The following ASH1L variants were observed in gnomAD, a reference collection of about 807,000 sequenced individuals.
ASH1L encodes histone-lysine N-methyltransferase ASH1L.
A neutral mutation model predicts 269.0 loss-of-function variants in ASH1L; 23 were observed. The ratio of observed to expected loss-of-function variants is 0.09; its 90% CI spans 0.06 to 0.12. The LOEUF (loss-of-function observed/expected upper bound fraction) is 0.12. ASH1L is among the 10% of genes least tolerant of loss of function. ASH1L has a pLI of 1.00. For synonymous variants in ASH1L, 1,187 were observed against 1,253.5 expected (o/e 0.95, Z 1.12); for missense variants, 2,912 against 3,567.8 (o/e 0.82, Z 4.68).
At chr1:155,399,369 TATGTAATCCAAGC>T (rs146203913) in intron 6 of ASH1L, among the ~76,000 whole-genome samples, 5,602 of 152,198 alleles carry the variant, frequency 0.037, 167 homozygotes, top group South Asian at 0.068. Flanking sequence ...GTGGCTCACA[TATGTAATCCAAGC>T]ATGTAATCCA....
chr1:155,433,455 C>G, intron 5 of ASH1L: 1 of 1,610,424 alleles, frequency 6.2e-7, no homozygotes, highest in Admixed American at 1.7e-5. Flanking sequence ...GGCTTGGAGA[C>G]CTCTCAGCCT....
In ASH1L at chr1:155,438,874, T is replaced by C; in HGVS notation, c.5281A>G (p.Lys1761Glu). 1.6e-5 allele frequency: 26 copies of C among 1,614,210 alleles called. No individual in the cohort carries two copies. Among genetic ancestry groups the C allele is most frequent in the Non-Finnish European group, 2.2e-5 (26 of 1,180,046 alleles). ...GCAGGCACTAAAAGGCTGTCTGGTT[T>C]TCCCAGGGTTCGGTCCTTGCTGTGG... The part of the protein sequence containing the change: ...RSHSKDRTLG[K>E]PDSLLVPAVT... Residue 1761 changes from lysine to glutamate, a missense_variant, in exon 5 of 28, where the codon AAA becomes GAA. Lys to Glu is a moderately conservative substitution (Grantham distance 56, BLOSUM62 1). Coordinates refer to ENST00000392403, the MANE Select transcript of ASH1L (RefSeq NM_018489.3).
intron 4 of ASH1L, among the ~76,000 whole-genome samples, chr1:155,445,339 A>G (rs1474895129): frequency 1.3e-5 from 2 of 152,000 alleles, no homozygotes; most frequent in African/African-American, 4.8e-5. Context: ...ACCCACCACC[A>G]TGCCCAGCTA....
chr1:155,529,351 C>CTTT (rs35984917), intron 1 of ASH1L, among the ~76,000 whole-genome samples: 3 of 134,024 alleles, frequency 2.2e-5, no homozygotes, highest in Non-Finnish European at 3.2e-5. Flanking sequence ...TTGCCAGCAT[C>CTTT]TTTTTTTTTT....
chr1:155,415,549 T>G (rs1473834357), intron 6 of ASH1L, among the ~76,000 whole-genome samples, 195 bp downstream of exon 6: 2 of 152,134 alleles, frequency 1.3e-5, no homozygotes, highest in African/African-American at 4.8e-5. Flanking sequence ...TTGTACTGAT[T>G]TCCCCCCACA....
chr1:155,492,417 C>T (rs1187347672), intron 2 of ASH1L, among the ~76,000 whole-genome samples: 1 of 152,112 alleles, frequency 6.6e-6, no homozygotes, highest in Non-Finnish European at 1.5e-5. Context: ...AATTATTTTT[C>T]GGTTTCTTTT....
intron 2 of ASH1L, among the ~76,000 whole-genome samples, chr1:155,512,862 C>T (rs1415153285): frequency 6.6e-6 from 1 of 151,608 alleles, no homozygotes; most frequent in Non-Finnish European, 1.5e-5. Context: ...GATTTCAAGA[C>T]CAGCCTGGGC....
At position 155,343,919 on chromosome 1, in the gene ASH1L, T is replaced by C. The variant is rs1200304710; in HGVS notation, c.7982-177A>G. On this transcript the variant is annotated intron_variant, in intron 22 of 27. Transcript: ENST00000392403. The surrounding 1 kb of genome is among the most constrained non-coding windows in gnomAD (Gnocchi z 6.1). ...AATCAATTCTAGACTATGACAATAA[T>C]ATAAGGGAGGCATTCCATTTCTTGA... 6.6e-6 allele frequency among the ~76,000 whole-genome samples: 1 copy of C among 152,214 alleles called. No homozygotes were observed. The highest frequency in any genetic ancestry group is 1.5e-5 in the Non-Finnish European group (1 of 68,022).
At chr1:155,551,092 AT>A (rs1201417731) in intron 1 of ASH1L, among the ~76,000 whole-genome samples, 2 of 152,002 alleles carry the variant, frequency 1.3e-5, no homozygotes, top group African/African-American at 2.4e-5. Context: ...AAGTCCTGGG[AT>A]TACAGGGGAG....
chr1:155,423,942 G>A (rs544118528), intron 5 of ASH1L, among the ~76,000 whole-genome samples: 1 of 152,218 alleles, frequency 6.6e-6, no homozygotes, highest in African/African-American at 2.4e-5. Flanking sequence ...GGCCAGGCTG[G>A]TCTCGAACTC....
chr1:155,527,203 G>A lies in ASH1L; in HGVS notation c.-99-5585C>T, dbSNP rs541111809. On this transcript the variant is annotated intron_variant, in intron 1 of 27. Transcript: ENST00000392403. ...AGCCTAGGTGACAGAGCGAGACTCC[G>A]TCTCAAAAAAAAAGAAAAAAAAAAA... Among the ~76,000 whole-genome samples, 929 of 151,034 alleles carry A rather than the reference G, an allele frequency of 6.2e-3. 6 individuals carry two copies. Among genetic ancestry groups the A allele is most frequent in the Middle Eastern group, 0.021 (6 of 292 alleles).
At chr1:155,563,009 G>A (rs1342324544), upstream of ASH1L, 1 of 458,164 alleles carries the variant, frequency 2.2e-6, no homozygotes, top group East Asian at 7.0e-5. Flanking sequence ...CGGGCCGAGC[G>A]GGTCGGGGCT....
At position 155,439,072 on chromosome 1, in the gene ASH1L, A is replaced by G; in HGVS notation, c.5087-4T>C. 6.3e-7 allele frequency: 1 copy of G among 1,592,086 alleles called. No homozygotes were observed. Among genetic ancestry groups the G allele is most frequent in the South Asian group, 1.1e-5 (1 of 87,652 alleles). On this transcript the variant is annotated splice_polypyrimidine_tract_variant and splice_region_variant and intron_variant, in intron 4 of 27. Coordinates refer to ENST00000392403, the MANE Select transcript of ASH1L (RefSeq NM_018489.3). ...CTTCGAGAGGGAACTCCGTTTACTG[A>G]AAGAGACAATAAATCACACATAGAC...
At position 155,562,675 on chromosome 1, in the gene ASH1L, G is replaced by A. The variant is rs1389219489; in HGVS notation, c.-622C>T. ...ACCACCACCTTCGGCCGCCCCGCGC[G>A]CCAGCCAGCCCGTACGCGCTCACCC... On this transcript the variant is annotated 5_prime_UTR_variant, in exon 1 of 28. Coordinates refer to ENST00000392403, the MANE Select transcript of ASH1L (RefSeq NM_018489.3). The A allele has an allele frequency of 2.0e-6, 3 of 1,521,554 alleles. No homozygotes were observed. The East Asian group carries it at 7.4e-5, about 38-fold the overall frequency. The allele number at this position is 1,521,554 out of a possible 1,614,324, so 94.3% of individuals were successfully genotyped here. A position where few individuals can be genotyped will look rare whatever the true frequency, so the allele number is the denominator to read the frequency against.
chr1:155,511,243 T>C (rs1042553026), intron 2 of ASH1L, among the ~76,000 whole-genome samples: 2 of 152,328 alleles, frequency 1.3e-5, no homozygotes, highest in Non-Finnish European at 2.9e-5. Flanking sequence ...CCAAAGTTTA[T>C]GCAAAGAAAC....
intron 5 of ASH1L, among the ~76,000 whole-genome samples, chr1:155,423,854 G>A (rs546411122): frequency 8.4e-4 from 128 of 151,892 alleles, no homozygotes; most frequent in Non-Finnish European, 1.6e-3. Context: ...CTCAGCCTCC[G>A]GAGTAGCTAG....
chr1:155,532,353 G>A (rs1291054421), intron 1 of ASH1L, among the ~76,000 whole-genome samples: 2 of 152,150 alleles, frequency 1.3e-5, no homozygotes, highest in East Asian at 3.9e-4. Flanking sequence ...CATATACATT[G>A]TATAAAAACA....
At position 155,480,748 on chromosome 1, in the gene ASH1L, G is replaced by A; in HGVS notation, c.2122C>T (p.Pro708Ser). 6.2e-7 allele frequency: 1 copy of A among 1,613,458 alleles called. No individual in the cohort carries two copies. The highest frequency in any genetic ancestry group is 8.5e-7 in the Non-Finnish European group (1 of 1,179,918). ...TTTCTTCCTTTTCTTTTTTTTAATG[G>A]TTTGGACTGCAAACTAGTACTTAGG... is the stretch of plus-strand genomic sequence containing the variant. The part of the protein sequence containing the change: ...ESLSTSLQSK[P>S]LKKRKGRKPR... Residue 708 changes from proline to serine, a missense_variant, in exon 3 of 28, where the codon CCA becomes TCA. Coordinates refer to ENST00000392403, the MANE Select transcript of ASH1L (RefSeq NM_018489.3).
In ASH1L at chr1:155,562,449, A is replaced by G. The variant is rs955052567; in HGVS notation, c.-396T>C. On this transcript the variant is annotated 5_prime_UTR_variant, in exon 1 of 28. Transcript: ENST00000392403. The stretch of plus-strand genomic sequence containing the variant: ...GAGCGGCGGCGGCGGCGGCGGCAGC[A>G]GCAGAGTGGCGGCGGTGGCGGCGGC... 6.8e-7 allele frequency: 1 copy of G among 1,465,180 alleles called. No individual in the cohort carries two copies. The highest frequency in any genetic ancestry group is 9.3e-7 in the Non-Finnish European group (1 of 1,080,920). The allele number at this position is 1,465,180 out of a possible 1,614,324, so 90.8% of individuals were successfully genotyped here.
Sources: allele counts gnomAD v4.1 joint callset (sites outside exome capture counted in the v4.1 genomes callset), GRCh38; gene constraint gnomAD v4.1.1; non-coding constraint Gnocchi (gnomAD v3.1); transcripts MANE v1.5; gene names NCBI Gene and HGNC (gene_info 2026-07-23, HGNC 2026-07-21).